Variants in MYO5B observed in about 807,000 individuals in gnomAD.
MYO5B encodes myosin VB.
MYO5B carries 143 observed loss-of-function variants against 229.3 expected under a neutral mutation model. The ratio of observed to expected loss-of-function variants is 0.62; its 90% CI spans 0.54 to 0.72. The LOEUF (loss-of-function observed/expected upper bound fraction) is 0.72. MYO5B is among the 30% of genes least tolerant of loss of function. The probability of loss-of-function intolerance (pLI) is 0.00; values close to 1 mark genes in which losing one functional copy is unlikely to be tolerated. For missense variants in MYO5B, 2,321 were observed against 2,331.0 expected (o/e 1.00, Z 0.09); for synonymous variants, 918 against 885.2 (o/e 1.04, Z -0.66).
chr18:49,879,137 C>T lies in MYO5B; in HGVS notation c.3131-47G>A, dbSNP rs751830173. On this transcript the variant is annotated intron_variant, in intron 23 of 39. Transcript: ENST00000285039. ...TGCAGTTTTTCTGGATGGATTCCCTCACATGTATTGACTCATGTTTTCCGA... is the reference window on the plus strand; with the variant it reads ...TGCAGTTTTTCTGGATGGATTCCCTTACATGTATTGACTCATGTTTTCCGA... The T allele has an allele frequency of 1.4e-5, 23 of 1,612,944 alleles. No homozygotes were observed. The South Asian group carries it at 2.3e-4, about 16-fold the overall frequency.
At chr18:50,192,159 C>T (rs1220771429) in intron 1 of MYO5B, among the ~76,000 whole-genome samples, 1 of 152,170 alleles carries the variant, frequency 6.6e-6, no homozygotes, top group Non-Finnish European at 1.5e-5. Context: ...CCACAGACAT[C>T]TCAATTGGTT....
In MYO5B at chr18:50,099,859, C is replaced by T. The variant is rs141673622; in HGVS notation, c.28-44481G>A. On this transcript the variant is annotated intron_variant, in intron 1 of 39. Transcript: ENST00000285039. ...TTAGATATATAAACTTTATCCTCCA[C>T]CAAAAGGGCTAAATATAGACTACTA... is the stretch of plus-strand genomic sequence containing the variant. 2.6e-5 allele frequency among the ~76,000 whole-genome samples: 4 copies of T among 152,328 alleles called. No homozygotes were observed. In the East Asian group the frequency reaches 7.7e-4, roughly 29 times the overall value.
chr18:50,129,907 T>C (rs925223212), intron 1 of MYO5B, among the ~76,000 whole-genome samples: 1 of 152,226 alleles, frequency 6.6e-6, no homozygotes, highest in Admixed American at 6.5e-5. Flanking sequence ...CATGAAGTGC[T>C]TCTTTAGACA....
chr18:49,946,356 G>C (rs2025373003), intron 14 of MYO5B: 1 of 152,148 alleles, frequency 6.6e-6, no homozygotes, highest in Non-Finnish European at 1.5e-5. Flanking sequence ...GATCAGATAA[G>C]CTCAGGCACG....
chr18:49,887,139 A>G (rs970481426), intron 22 of MYO5B, among the ~76,000 whole-genome samples: 1 of 152,060 alleles, frequency 6.6e-6, no homozygotes, highest in Non-Finnish European at 1.5e-5. Flanking sequence ...TGTTAACCAC[A>G]GCACTCTCAG....
intron 38 of MYO5B, 141 bp downstream of exon 38, chr18:49,836,570 T>C (rs2023989032): frequency 2.1e-6 from 2 of 944,526 alleles, no homozygotes. Context: ...TCCCATCAGC[T>C]GCACTTCAAA....
At chr18:50,068,423 C>G (rs1329845361) in intron 1 of MYO5B, among the ~76,000 whole-genome samples, 1 of 152,218 alleles carries the variant, frequency 6.6e-6, no homozygotes. Context: ...TGCCATTGCC[C>G]TGGCTCCAAG....
intron 35 of MYO5B, chr18:49,840,629 G>A (rs2024044754): frequency 6.6e-6 from 1 of 152,450 alleles, no homozygotes; most frequent in South Asian, 2.1e-4. Flanking sequence ...AGGAACCTGT[G>A]AGCGGGCATA....
In MYO5B at chr18:50,053,128, C is replaced by A. The variant is rs574578614; in HGVS notation, c.138+2140G>T. 2.0e-5 allele frequency among the ~76,000 whole-genome samples: 3 copies of A among 152,330 alleles called. No homozygotes were observed. The South Asian group carries it at 6.2e-4, about 32-fold the overall frequency. On this transcript the variant is annotated intron_variant, in intron 2 of 39. Coordinates refer to ENST00000285039, the MANE Select transcript of MYO5B (RefSeq NM_001080467.3). ...CTGTGCTCCTGCCTCTAGTCCACAG[C>A]TCTGCCAAGTCACTCATAATGATAG... is the stretch of plus-strand genomic sequence containing the variant.
chr18:50,082,673 T>C (rs995862163), intron 1 of MYO5B, among the ~76,000 whole-genome samples: 2 of 152,194 alleles, frequency 1.3e-5, no homozygotes, highest in Non-Finnish European at 2.9e-5. Context: ...TTCCAACTTC[T>C]GTCCCTCCTA....
chr18:49,992,517 C>A, intron 5 of MYO5B, 86 bp from the exon 6 acceptor site: 1 of 1,566,872 alleles, frequency 6.4e-7, no homozygotes, highest in Non-Finnish European at 8.8e-7. Flanking sequence ...GCATGTGTCC[C>A]CTTTCTCTTC....
At chr18:50,100,769 C>A (rs2031638987) in intron 1 of MYO5B, among the ~76,000 whole-genome samples, 1 of 152,226 alleles carries the variant, frequency 6.6e-6, no homozygotes, top group Non-Finnish European at 1.5e-5. Flanking sequence ...TTTCTCTGCT[C>A]TCTTCTTCTT....
chr18:49,880,911 T>C (rs1185851749), intron 22 of MYO5B, among the ~76,000 whole-genome samples: 1 of 152,240 alleles, frequency 6.6e-6, no homozygotes, highest in Non-Finnish European at 1.5e-5. Context: ...CCTGGCACCA[T>C]GCTCCTTAAG....
At chr18:49,972,375 A>G (rs1426096735) in intron 10 of MYO5B, among the ~76,000 whole-genome samples, 1 of 152,146 alleles carries the variant, frequency 6.6e-6, no homozygotes, top group Non-Finnish European at 1.5e-5. Flanking sequence ...ACAGCAAAAA[A>G]CCCAGCGGAA....
At chr18:49,898,938 G>C (rs2024811349) in intron 21 of MYO5B, among the ~76,000 whole-genome samples, 1 of 152,102 alleles carries the variant, frequency 6.6e-6, no homozygotes, top group African/African-American at 2.4e-5. Context: ...CTGGGGATAG[G>C]AACCCTACTC....
At chr18:50,087,128 G>A (rs1267386944) in intron 1 of MYO5B, among the ~76,000 whole-genome samples, 2 of 152,176 alleles carry the variant, frequency 1.3e-5, no homozygotes, top group Non-Finnish European at 1.5e-5. Flanking sequence ...TCCTATTTCA[G>A]CTCTCTCTCA....
chr18:50,028,812 A>AAAATAGTGAATATTAAGCAG (rs2026359131), intron 4 of MYO5B, among the ~76,000 whole-genome samples: 1 of 152,182 alleles, frequency 6.6e-6, no homozygotes, highest in African/African-American at 2.4e-5. Flanking sequence ...TGCTTCTCCA[A>AAAATAGTGAATATTAAGCAG]GTAAAATAGT....
intron 1 of MYO5B, among the ~76,000 whole-genome samples, chr18:50,069,918 TA>T (rs1367381721): frequency 4.6e-5 from 7 of 152,138 alleles, no homozygotes; most frequent in African/African-American, 1.7e-4. Context: ...ACATGCCAGA[TA>T]ATGTCAACAT....
chr18:49,835,615 G>C (rs1018605693), intron 38 of MYO5B, among the ~76,000 whole-genome samples, 191 bp from the exon 39 acceptor site: 11 of 152,176 alleles, frequency 7.2e-5, no homozygotes, highest in African/African-American at 2.7e-4. Context: ...AGCTTTGTCA[G>C]GTGGATCTGA....
Sources: gnomAD v4.1 joint callset for allele counts (sites outside exome capture counted in the v4.1 genomes callset) on GRCh38, gnomAD v4.1.1 for gene constraint, MANE v1.5 for transcripts, NCBI Gene and HGNC (gene_info 2026-07-23, HGNC 2026-07-21) for gene names.